Variants in GNAI1 observed in about 807,000 individuals in gnomAD.
The protein encoded by GNAI1 is guanine nucleotide-binding protein G(i) subunit alpha-1.
In GNAI1, 11 loss-of-function variants were observed where a neutral mutation model predicts 38.9. The ratio of observed to expected loss-of-function variants is 0.28; its 90% CI spans 0.18 to 0.47. The LOEUF (loss-of-function observed/expected upper bound fraction) is 0.47. Ranked by LOEUF, GNAI1 falls within the 20% of genes least tolerant of loss-of-function variation. GNAI1 has a pLI of 0.99. For synonymous variants in GNAI1, 166 were observed against 145.1 expected, an observed-to-expected ratio of 1.14 and a Z score of -1.04; for missense variants, 317 against 436.9, an observed-to-expected ratio of 0.73 and a Z score of 2.45.
chr7:80,197,469 G>A (rs1028537316), intron 3 of GNAI1, among the ~76,000 whole-genome samples: 28 of 151,904 alleles, frequency 1.8e-4, no homozygotes, highest in African/African-American at 2.7e-4. Context: ...TGAAGACGTC[G>A]TAATGAAAGC....
chr7:80,180,896 A>T (rs78461675), intron 1 of GNAI1, among the ~76,000 whole-genome samples: 1,920 of 152,110 alleles, frequency 0.013, 45 homozygotes, highest in African/African-American at 0.043. Context: ...TCATTCAGTG[A>T]TGCTCTCCTA....
chr7:80,219,615 A>G lies in GNAI1; in HGVS notation c.*2122A>G, dbSNP rs1334676078. On this transcript the variant is annotated 3_prime_UTR_variant, in exon 8 of 8. Transcript: ENST00000649796. ...TGCATTGCCTGCTTTTTAACTCATT[A>G]TATTCAAAACTAAATTCATCATCAT... Among the ~76,000 whole-genome samples, 3 of 152,152 alleles carry G rather than the reference A, an allele frequency of 2.0e-5. No homozygotes were observed. Among genetic ancestry groups the G allele is most frequent in the African/African-American group, 4.8e-5 (2 of 41,442 alleles).
chr7:80,141,590 C>T (rs1243933011), intron 1 of GNAI1, among the ~76,000 whole-genome samples: 1 of 152,190 alleles, frequency 6.6e-6, no homozygotes, highest in Non-Finnish European at 1.5e-5. Flanking sequence ...TCTTGGGAGT[C>T]ATCCTTCTTT....
chr7:80,179,147 G>A (rs566988250), intron 1 of GNAI1, among the ~76,000 whole-genome samples: 50 of 152,296 alleles, frequency 3.3e-4, no homozygotes, highest in African/African-American at 1.2e-3. Flanking sequence ...CATTAAAATA[G>A]TGTATTCCTT....
rs776127520 is a variant in GNAI1, at chr7:80,199,212, T to C, written c.304-13T>C. The C allele has an allele frequency of 1.3e-5, 20 of 1,578,870 alleles. No individual in the cohort carries two copies. The highest frequency in any genetic ancestry group is 1.6e-5 in the Non-Finnish European group (19 of 1,157,870). On this transcript the variant is annotated splice_polypyrimidine_tract_variant and intron_variant, in intron 3 of 7. Transcript: ENST00000649796. ...ATCCCTTTTTACTTAAAAAATGTCC[T>C]TTGAATGTTCAGGATGATGCACGCC...
intron 1 of GNAI1, among the ~76,000 whole-genome samples, chr7:80,165,482 G>T (rs891602361): frequency 6.6e-6 from 1 of 152,040 alleles, no homozygotes; most frequent in Non-Finnish European, 1.5e-5. Context: ...ACTCCACTTT[G>T]TATGTTTATG....
intron 3 of GNAI1, among the ~76,000 whole-genome samples, chr7:80,191,295 G>T (rs1014517996): frequency 6.6e-6 from 1 of 151,936 alleles, no homozygotes; most frequent in Admixed American, 6.6e-5. Flanking sequence ...CGAGGAAGGG[G>T]CATTGAAACT....
rs1789042019 is a variant in GNAI1 at position 80,219,918 on chromosome 7, T to C, written c.*2425T>C. Among the ~76,000 whole-genome samples, 1 of 152,180 alleles carries C rather than the reference T, an allele frequency of 6.6e-6. No homozygotes were observed. Among genetic ancestry groups the C allele is most frequent in the Admixed American group, 6.5e-5 (1 of 15,274 alleles). Reference sequence around the variant, plus strand: ...AGTTCTACAAAGCCTTAAATCTGTTTTTTGTTTGTTTTCCTTTCTATTCCT... The same window carrying C: ...AGTTCTACAAAGCCTTAAATCTGTTCTTTGTTTGTTTTCCTTTCTATTCCT... On this transcript the variant is annotated 3_prime_UTR_variant, in exon 8 of 8. Coordinates refer to ENST00000649796, the MANE Select transcript of GNAI1 (RefSeq NM_002069.6).
At chr7:80,157,442 G>A (rs1787838099) in intron 1 of GNAI1, among the ~76,000 whole-genome samples, 1 of 150,670 alleles carries the variant, frequency 6.6e-6, no homozygotes, top group Non-Finnish European at 1.5e-5. Context: ...ATGTTTTAAT[G>A]TCCTTTGTGT....
Position 80,150,064 on chromosome 7 carries a change from T to C in GNAI1, c.118+14786T>C, listed in dbSNP as rs187084623. On this transcript the variant is annotated intron_variant, in intron 1 of 7. Transcript: ENST00000649796. The stretch of plus-strand genomic sequence containing the variant: ...GAACCGGACAATACCAAATGTTGAC[T>C]TGACAGCTTTAATGTACTGTTGGTT... Among the ~76,000 whole-genome samples, 5 of 152,320 alleles carry C rather than the reference T, an allele frequency of 3.3e-5. No homozygotes were observed. In the East Asian group the frequency reaches 9.6e-4, roughly 29 times the overall value.
chr7:80,137,538 T>TC (rs1787446493), intron 1 of GNAI1, among the ~76,000 whole-genome samples: 1 of 152,104 alleles, frequency 6.6e-6, no homozygotes, highest in South Asian at 2.1e-4. Flanking sequence ...CACGCTGGTC[T>TC]CCAATTCCTG....
At chr7:80,161,543 ATTGT>A (rs1318729844) in intron 1 of GNAI1, among the ~76,000 whole-genome samples, 2 of 152,294 alleles carry the variant, frequency 1.3e-5, no homozygotes, top group African/African-American at 2.4e-5. Flanking sequence ...TTGTGTCATA[ATTGT>A]TTGTGTCAAA....
chr7:80,203,205 T>C (rs1788718473), intron 4 of GNAI1, among the ~76,000 whole-genome samples: 1 of 152,210 alleles, frequency 6.6e-6, no homozygotes, highest in Non-Finnish European at 1.5e-5. Context: ...GCTGTTTTCC[T>C]GTATGTAACA....
chr7:80,210,206 T>C (rs893161932), intron 5 of GNAI1, among the ~76,000 whole-genome samples: 5 of 151,510 alleles, frequency 3.3e-5, no homozygotes, highest in Admixed American at 1.3e-4. Context: ...TAAAGTCTTA[T>C]AAGAGAAAAG....
At position 80,177,789 on chromosome 7, in the gene GNAI1, G is replaced by A. The variant is rs191253505; in HGVS notation, c.119-11162G>A. 3.0e-4 allele frequency among the ~76,000 whole-genome samples: 46 copies of A among 152,198 alleles called. No homozygotes were observed. In the East Asian group the frequency reaches 8.3e-3, roughly 27 times the overall value. On this transcript the variant is annotated intron_variant, in intron 1 of 7. Transcript: ENST00000649796. ...GTGCCCAGCCTAATGTTGTTTTTAC[G>A]CCTTCTAACACAGTATTTGTTCTGC...
chr7:80,184,849 A>G (rs1176834806), intron 1 of GNAI1, among the ~76,000 whole-genome samples: 1 of 152,084 alleles, frequency 6.6e-6, no homozygotes, highest in Non-Finnish European at 1.5e-5. Flanking sequence ...ACCATTGCAC[A>G]CATATTCTCA....
intron 1 of GNAI1, among the ~76,000 whole-genome samples, chr7:80,177,131 T>C (rs2428467): frequency 0.44 from 63,957 of 146,974 alleles, 14,675 homozygotes; most frequent in African/African-American, 0.59. Flanking sequence ...CCCGGGTTCA[T>C]GCCATTCTCC....
At chr7:80,159,960 G>A (rs1356168263) in intron 1 of GNAI1, among the ~76,000 whole-genome samples, 2 of 152,104 alleles carry the variant, frequency 1.3e-5, no homozygotes, top group Non-Finnish European at 2.9e-5. Flanking sequence ...GCTAGTACTG[G>A]TTATGTAGCA....
intron 1 of GNAI1, among the ~76,000 whole-genome samples, chr7:80,144,021 C>G (rs1283513025): frequency 6.6e-6 from 1 of 151,970 alleles, no homozygotes; most frequent in Non-Finnish European, 1.5e-5. Flanking sequence ...ACATTAGTTT[C>G]TAATCCCACC....
Sources: gnomAD v4.1 joint callset for allele counts (sites outside exome capture counted in the v4.1 genomes callset) on GRCh38, gnomAD v4.1.1 for gene constraint, MANE v1.5 for transcripts, NCBI Gene and HGNC (gene_info 2026-07-23, HGNC 2026-07-21) for gene names.